INPP4B: variants seen among roughly 807,000 people sequenced by gnomAD.
The protein encoded by INPP4B is inositol polyphosphate 4-phosphatase type II.
A neutral mutation model predicts 122.5 loss-of-function variants in INPP4B; 55 were observed. The ratio of observed to expected loss-of-function variants is 0.45; its 90% CI spans 0.36 to 0.56. The LOEUF is 0.56. Ranked by LOEUF, INPP4B falls within the 20% of genes least tolerant of loss-of-function variation. The pLI is 0.00. For missense variants in INPP4B, 1,000 were observed against 1,097.7 expected (o/e 0.91, Z 1.26); for synonymous variants, 403 against 388.7 (o/e 1.04, Z -0.43).
Position 142,097,903 on chromosome 4 carries a change from G to C in INPP4B, c.2374+10190C>G, listed in dbSNP as rs985333670. 2.6e-5 allele frequency among the ~76,000 whole-genome samples: 4 copies of C among 152,106 alleles called. No individual in the cohort carries two copies. The South Asian group carries it at 8.3e-4, about 32-fold the overall frequency. On this transcript the variant is annotated intron_variant, in intron 23 of 25. Coordinates refer to ENST00000262992, the MANE Select transcript of INPP4B (RefSeq NM_001101669.3). ...TACCATGCATTCAACAAATGTTAATGGAATAGAAACAACGTGCTAGTCCTC... is the reference window on the plus strand; with the variant it reads ...TACCATGCATTCAACAAATGTTAATCGAATAGAAACAACGTGCTAGTCCTC...
chr4:142,229,563 G>A (rs1369638953), intron 12 of INPP4B, among the ~76,000 whole-genome samples: 5 of 152,028 alleles, frequency 3.3e-5, no homozygotes, highest in East Asian at 1.9e-4. Flanking sequence ...GAGGGCTTAC[G>A]GAAGTCCTGA....
At position 142,652,624 on chromosome 4, in the gene INPP4B, A is replaced by C. The variant is rs183194796; in HGVS notation, c.-191+73215T>G. 1.3e-3 allele frequency among the ~76,000 whole-genome samples: 205 copies of C among 152,330 alleles called. 1 individual carries two copies. Among genetic ancestry groups the C allele is most frequent in the African/African-American group, 4.7e-3 (197 of 41,568 alleles). On this transcript the variant is annotated intron_variant, in intron 2 of 25. Transcript: ENST00000262992. ...ACTCCCATTCACAATTGCTACAAAG[A>C]GAATAAAATACCTAGGAATCCAACT...
At chr4:142,722,110 T>C (rs895115482) in intron 2 of INPP4B, among the ~76,000 whole-genome samples, 4 of 152,072 alleles carry the variant, frequency 2.6e-5, no homozygotes, top group South Asian at 2.1e-4. Flanking sequence ...TATATATATA[T>C]ACACACACAC....
At chr4:142,643,106 G>C (rs192645712) in intron 2 of INPP4B, among the ~76,000 whole-genome samples, 151 of 152,222 alleles carry the variant, frequency 9.9e-4, no homozygotes, top group African/African-American at 3.6e-3. Flanking sequence ...TGTGATTTTT[G>C]CACGTTGATT....
At chr4:142,496,635 A>G (rs1286323972) in intron 2 of INPP4B, among the ~76,000 whole-genome samples, 1 of 152,090 alleles carries the variant, frequency 6.6e-6, no homozygotes, top group Non-Finnish European at 1.5e-5. Context: ...ATTGCTTTAG[A>G]TAAATTATTT....
Position 142,812,912 on chromosome 4 carries a change from T to C in INPP4B, c.-254+33297A>G, listed in dbSNP as rs114908809. Among the ~76,000 whole-genome samples, 1,003 of 152,332 alleles carry C rather than the reference T, an allele frequency of 6.6e-3. 17 individuals carry two copies. The highest frequency in any genetic ancestry group is 0.023 in the African/African-American group (962 of 41,584). ...CAGTCACATATGGGGGATTTTCATC[T>C]GTCCTTTAGATGCCAAAAAATAAAA... On this transcript the variant is annotated intron_variant, in intron 1 of 25. Coordinates refer to ENST00000262992, the MANE Select transcript of INPP4B (RefSeq NM_001101669.3).
intron 11 of INPP4B, 77 bp downstream of exon 11, chr4:142,260,415 C>T: frequency 2.3e-6 from 2 of 881,926 alleles, no homozygotes; most frequent in South Asian, 1.4e-5. Context: ...TGTGAGAATG[C>T]TGGTTCAGTG....
At chr4:142,713,224 A>G (rs1403176606) in intron 2 of INPP4B, among the ~76,000 whole-genome samples, 1 of 152,220 alleles carries the variant, frequency 6.6e-6, no homozygotes, top group Non-Finnish European at 1.5e-5. Context: ...TATAGAAGGA[A>G]GAGATTGAAA....
chr4:142,545,759 G>GTATATGTGTGTATATATATACATATA (rs1829531484), intron 2 of INPP4B, among the ~76,000 whole-genome samples: 2 of 70,842 alleles, frequency 2.8e-5, no homozygotes, highest in African/African-American at 9.3e-5. Context: ...ATATACACAT[G>GTATATGTGTGTATATATATACATATA]TATATGTGTG....
At chr4:142,575,973 C>A (rs1049712243) in intron 2 of INPP4B, among the ~76,000 whole-genome samples, 1 of 152,042 alleles carries the variant, frequency 6.6e-6, no homozygotes, top group Admixed American at 6.6e-5. Flanking sequence ...CCCACCTGTG[C>A]CCTTTCATAG....
intron 7 of INPP4B, among the ~76,000 whole-genome samples, chr4:142,321,654 C>T (rs1041418605): frequency 3.3e-5 from 5 of 152,084 alleles, no homozygotes; most frequent in African/African-American, 1.2e-4. Flanking sequence ...TGTGACTTGC[C>T]AATTGTTCCG....
At chr4:142,464,354 C>T (rs1817320183) in intron 2 of INPP4B, among the ~76,000 whole-genome samples, 1 of 151,978 alleles carries the variant, frequency 6.6e-6, no homozygotes, top group Non-Finnish European at 1.5e-5. Context: ...TGTTCTTTAA[C>T]CATTGTACCT....
At chr4:142,627,076 T>C (rs1746612994) in intron 2 of INPP4B, among the ~76,000 whole-genome samples, 1 of 152,054 alleles carries the variant, frequency 6.6e-6, no homozygotes, top group Admixed American at 6.6e-5. Flanking sequence ...ACTGTGACAC[T>C]ATAAAGTGAC....
intron 19 of INPP4B, 45 bp downstream of exon 19, chr4:142,124,543 A>G (rs1452542595): frequency 1.3e-6 from 2 of 1,536,936 alleles, no homozygotes; most frequent in Non-Finnish European, 1.8e-6. Flanking sequence ...TAGGATGTTA[A>G]CAATCCGGCA....
intron 1 of INPP4B, among the ~76,000 whole-genome samples, chr4:142,752,780 A>C (rs77537671): frequency 6.6e-6 from 1 of 152,074 alleles, no homozygotes; most frequent in Non-Finnish European, 1.5e-5. Context: ...GGAAGACCAG[A>C]TGTGTCTTCT....
At chr4:142,575,220 C>G (rs934988977) in intron 2 of INPP4B, among the ~76,000 whole-genome samples, 2 of 145,122 alleles carry the variant, frequency 1.4e-5, no homozygotes, top group South Asian at 2.2e-4. Context: ...AGAGGCCAAA[C>G]AAAAGGAAAA....
chr4:142,294,856 A>AG (rs745514626), intron 9 of INPP4B, among the ~76,000 whole-genome samples: 5 of 143,804 alleles, frequency 3.5e-5, no homozygotes, highest in African/African-American at 7.8e-5. Context: ...AAAAAAAAAA[A>AG]GGCAGACTTA....
At chr4:142,606,426 A>G (rs1245866558) in intron 2 of INPP4B, among the ~76,000 whole-genome samples, 1 of 151,890 alleles carries the variant, frequency 6.6e-6, no homozygotes, top group Non-Finnish European at 1.5e-5. Flanking sequence ...AAAAATAATA[A>G]GCAACTCAAG....
intron 7 of INPP4B, among the ~76,000 whole-genome samples, chr4:142,329,311 A>G (rs1335502567): frequency 1.3e-5 from 2 of 152,204 alleles, no homozygotes; most frequent in Non-Finnish European, 2.9e-5. Context: ...GGAGAATAGT[A>G]TTTTAGGCCA....
Sources: allele counts gnomAD v4.1 joint callset (sites outside exome capture counted in the v4.1 genomes callset), GRCh38; gene constraint gnomAD v4.1.1; transcripts MANE v1.5; gene names NCBI Gene and HGNC (gene_info 2026-07-23, HGNC 2026-07-21).